The following CDKL5 variants were observed in gnomAD, a reference collection of about 807,000 sequenced individuals.
CDKL5 encodes cyclin dependent kinase like 5.
CDKL5 carries 8 observed loss-of-function variants against 61.7 expected under a neutral mutation model. The ratio of observed to expected loss-of-function variants is 0.13; its 90% CI spans 0.08 to 0.23. CDKL5 has a LOEUF of 0.23. Ranked by LOEUF, CDKL5 falls within the 10% of genes least tolerant of loss-of-function variation. The pLI is 1.00. For missense variants in CDKL5, 440 were observed against 734.5 expected, an observed-to-expected ratio of 0.60 and a Z score of 4.63; for synonymous variants, 275 against 272.3, an observed-to-expected ratio of 1.01 and a Z score of -0.10.
downstream of CDKL5, among the ~76,000 whole-genome samples, chrX:18,643,819 A>C (rs745711223): frequency 5.6e-5 from 6 of 107,936 alleles, no homozygotes; most frequent in South Asian, 1.2e-3. Context: ...ATTCATTTTT[A>C]TTCATAGCAA....
chrX:18,477,220 C>T (rs1328667010), intron 1 of CDKL5, among the ~76,000 whole-genome samples: 1 of 111,812 alleles, frequency 8.9e-6, no homozygotes, highest in African/African-American at 3.3e-5. Flanking sequence ...GCACGTGCCA[C>T]CACGCCTGGC....
At chrX:18,510,906 A>G in intron 3 of CDKL5, 52 bp downstream of exon 3, 1 of 909,102 alleles carries the variant, frequency 1.1e-6, no homozygotes, top group Non-Finnish European at 1.6e-6. Flanking sequence ...AACTGTTTTG[A>G]AACTAATGTA....
At chrX:18,579,171 G>C (rs745573064) in intron 5 of CDKL5, among the ~76,000 whole-genome samples, 82 of 111,855 alleles carry the variant, frequency 7.3e-4, no homozygotes, top group African/African-American at 2.6e-3. Flanking sequence ...GTACTTTACA[G>C]TGAGAAAGGA....
chrX:18,489,733 T>A (rs764654133), intron 1 of CDKL5, among the ~76,000 whole-genome samples: 87 of 110,629 alleles, frequency 7.9e-4, no homozygotes, highest in African/African-American at 2.7e-3. Flanking sequence ...TGATGTCTTA[T>A]GTCTCCCTGA....
chrX:18,529,227 A>G (rs1273932474), intron 3 of CDKL5, among the ~76,000 whole-genome samples: 7 of 102,565 alleles, frequency 6.8e-5, no homozygotes, highest in African/African-American at 2.5e-4. Context: ...TGCAGTGTAC[A>G]TTTACAACTT....
At chrX:18,477,866 G>A (rs1921378115) in intron 1 of CDKL5, among the ~76,000 whole-genome samples, 1 of 112,064 alleles carries the variant, frequency 8.9e-6, no homozygotes, top group Admixed American at 9.5e-5. Flanking sequence ...GTATATATTT[G>A]TAGTTTGTTA....
rs750617832 is a variant in CDKL5 at position 18,478,679 on chromosome X, CT to C, written c.-162-28241del. Among the ~76,000 whole-genome samples the C allele has an allele frequency of 6.5e-3, 597 of 92,103 alleles. 4 individuals carry two copies. Among genetic ancestry groups the C allele is most frequent in the Middle Eastern group, 0.04 (7 of 174 alleles). The allele number at this position is 92,103 out of a possible 115,157, so 80.0% of individuals were successfully genotyped here. A position where few individuals can be genotyped will look rare whatever the true frequency, so the allele number is the denominator to read the frequency against. ...TAAGTTGTTTTTCTCTTGTTGCTTTCTTTTTTTTTTTTTTTCTTAAATATAT... is the reference window on the plus strand; with the variant it reads ...TAAGTTGTTTTTCTCTTGTTGCTTTCTTTTTTTTTTTTTTCTTAAATATAT... On this transcript the variant is annotated intron_variant, in intron 1 of 17. Transcript: ENST00000623535.
At position 18,633,004 on chromosome X, in the gene CDKL5, G is replaced by A; in HGVS notation, c.*4247G>A. 1.3e-6 allele frequency: 1 copy of A among 753,882 alleles called. No homozygotes were observed. The highest frequency in any genetic ancestry group is 1.6e-6 in the Non-Finnish European group (1 of 638,853). 62.1% of individuals were successfully genotyped at this position (753,882 alleles called of 1,213,427 possible). A position where few individuals can be genotyped will look rare whatever the true frequency, so the allele number is the denominator to read the frequency against. On this transcript the variant is annotated 3_prime_UTR_variant, in exon 18 of 18. Coordinates refer to ENST00000623535, the MANE Select transcript of CDKL5 (RefSeq NM_001323289.2). ...GATCTGTCTATTTCTGTTCACCTGG[G>A]ACCTGGTGGTGACTGAACTCTTTCA...
In CDKL5 at chrX:18,634,187, AG is replaced by A; in HGVS notation, c.*5433del. On this transcript the variant is annotated 3_prime_UTR_variant, in exon 18 of 18. Transcript: ENST00000623535. The stretch of plus-strand genomic sequence containing the variant: ...GCCTTGTTTGTTACTCTTCCAACAC[AG>A]GGTATCAGGGAGAAAGAGGCCTTAT... The A allele has an allele frequency of 1.3e-6, 1 of 753,972 alleles. No homozygotes were observed. The highest frequency in any genetic ancestry group is 1.6e-6 in the Non-Finnish European group (1 of 639,226). The allele number at this position is 753,972 out of a possible 1,213,427, so 62.1% of individuals were successfully genotyped here.
intron 2 of CDKL5, among the ~76,000 whole-genome samples, chrX:18,507,475 G>T: frequency 2.3e-5 from 2 of 87,273 alleles, no homozygotes; most frequent in African/African-American, 4.4e-5. Context: ...TAGCAATCAT[G>T]AGTTCCTTAG....
At chrX:18,508,708 T>C in intron 2 of CDKL5, among the ~76,000 whole-genome samples, 1 of 110,322 alleles carries the variant, frequency 9.1e-6, no homozygotes, top group African/African-American at 3.3e-5. Flanking sequence ...TATCAGAATA[T>C]GTTACTTTGT....
At chrX:18,643,998 G>A (rs931363150), downstream of CDKL5, among the ~76,000 whole-genome samples, 1 of 110,990 alleles carries the variant, frequency 9.0e-6, no homozygotes, top group Non-Finnish European at 1.9e-5. Flanking sequence ...TGGGTAACTT[G>A]CTAGGTTCTC....
Position 18,633,820 on chromosome X carries a change from C to G in CDKL5, c.*5063C>G. 5.3e-6 allele frequency: 4 copies of G among 754,286 alleles called. No individual in the cohort carries two copies. Among genetic ancestry groups the G allele is most frequent in the Non-Finnish European group, 6.3e-6 (4 of 639,366 alleles). The allele number at this position is 754,286 out of a possible 1,213,427, so 62.2% of individuals were successfully genotyped here. Reference sequence around the variant, plus strand: ...TCATTCATCAGCGTTAGGCTTGGTCCTGGCTCCACCTTTCTCCTCTCCGGG... The same window carrying G: ...TCATTCATCAGCGTTAGGCTTGGTCGTGGCTCCACCTTTCTCCTCTCCGGG... On this transcript the variant is annotated 3_prime_UTR_variant, in exon 18 of 18. Transcript: ENST00000623535.
intron 1 of CDKL5, among the ~76,000 whole-genome samples, chrX:18,475,082 C>T (rs1244008866): frequency 9.2e-6 from 1 of 108,295 alleles, no homozygotes; most frequent in Admixed American, 9.9e-5. Flanking sequence ...CCTCAGCCTC[C>T]TGAGTAGCTA....
intron 3 of CDKL5, among the ~76,000 whole-genome samples, chrX:18,531,012 G>A (rs923512175): frequency 1.8e-5 from 2 of 112,063 alleles, no homozygotes; most frequent in African/African-American, 6.5e-5. Context: ...TTGACATGAT[G>A]GGAAGAGTAT....
At chrX:18,584,387 C>T in intron 8 of CDKL5, 34 bp downstream of exon 8, 1 of 878,597 alleles carries the variant, frequency 1.1e-6, no homozygotes, top group Non-Finnish European at 1.7e-6. Flanking sequence ...ATGACATTTC[C>T]ACATCTGCTG....
chrX:18,548,423 A>G (rs1318048329), intron 3 of CDKL5, among the ~76,000 whole-genome samples: 1 of 111,981 alleles, frequency 8.9e-6, no homozygotes, highest in African/African-American at 3.2e-5. Context: ...TCCACAATGT[A>G]TAATAAGATA....
intron 3 of CDKL5, among the ~76,000 whole-genome samples, chrX:18,560,042 A>T (rs1460531079): frequency 1.8e-5 from 2 of 109,579 alleles, no homozygotes; most frequent in African/African-American, 6.7e-5. Context: ...ATTGTTGGAC[A>T]TTTGGGTTGG....
At chrX:18,450,960 T>G (rs1299758290) in intron 1 of CDKL5, among the ~76,000 whole-genome samples, 2 of 110,492 alleles carry the variant, frequency 1.8e-5, no homozygotes, top group Non-Finnish European at 3.8e-5. Flanking sequence ...CTTTAAAGTT[T>G]GGTTGCCACA....
Sources: gnomAD v4.1 joint callset for allele counts (sites outside exome capture counted in the v4.1 genomes callset) on GRCh38, gnomAD v4.1.1 for gene constraint, MANE v1.5 for transcripts, NCBI Gene and HGNC (gene_info 2026-07-23, HGNC 2026-07-21) for gene names.